The following CUBN variants were observed in gnomAD, a reference collection of about 807,000 sequenced individuals.
CUBN encodes 460 kDa receptor.
A neutral mutation model predicts 405.3 loss-of-function variants in CUBN; 282 were observed. The observed-to-expected ratio is 0.70, with a 90% confidence interval of 0.63 to 0.77. The LOEUF is 0.77. Among genes scored for constraint, CUBN ranks in the 30% least tolerant of loss-of-function variants. The pLI, the probability that CUBN is intolerant of heterozygous loss-of-function variation, is 0.00. For synonymous variants in CUBN, 1,684 were observed against 1,617.0 expected (o/e 1.04, Z -0.99); for missense variants, 4,514 against 4,475.2 (o/e 1.01, Z -0.25).
chr10:16,995,393 C>T (rs1045622287), intron 28 of CUBN, among the ~76,000 whole-genome samples: 19 of 152,206 alleles, frequency 1.2e-4, no homozygotes, highest in African/African-American at 4.1e-4. Context: ...ATACTTACTT[C>T]ATAGGGTTGT....
chr10:16,895,711 C>T (rs1445528468), intron 54 of CUBN, among the ~76,000 whole-genome samples: 2 of 152,152 alleles, frequency 1.3e-5, no homozygotes, highest in East Asian at 1.9e-4. Context: ...AATATATCCA[C>T]TCCTGCTTTT....
At chr10:17,037,388 TG>T (rs1564489758) in intron 27 of CUBN, among the ~76,000 whole-genome samples, 1 of 152,180 alleles carries the variant, frequency 6.6e-6, no homozygotes, top group Non-Finnish European at 1.5e-5. Context: ...AAAATATCTC[TG>T]TTTAGATTCT....
At chr10:17,026,358 T>G (rs1281444103) in intron 27 of CUBN, among the ~76,000 whole-genome samples, 1 of 152,134 alleles carries the variant, frequency 6.6e-6, no homozygotes, top group Non-Finnish European at 1.5e-5. Flanking sequence ...AGAGGCTGGT[T>G]GTGGTGGCTC....
intron 28 of CUBN, among the ~76,000 whole-genome samples, chr10:17,016,838 C>A (rs577191495): frequency 6.6e-6 from 1 of 152,140 alleles, no homozygotes; most frequent in African/African-American, 2.4e-5. Flanking sequence ...ATGTAAATTG[C>A]AAGCTTTGCA....
rs988977350 is a variant in CUBN, at chr10:17,120,425, T to C, written c.593+2370A>G. ...AAAGAACCCTGATTTAAATGCTCTG[T>C]TCTCTAATGTCCTCCAGCAAATCTA... On this transcript the variant is annotated intron_variant, in intron 6 of 66. Coordinates refer to ENST00000377833, the MANE Select transcript of CUBN (RefSeq NM_001081.4). Among the ~76,000 whole-genome samples, 4 of 152,230 alleles carry C rather than the reference T, an allele frequency of 2.6e-5. 1 individual carries two copies. The highest frequency in any genetic ancestry group is 2.4e-5 in the African/African-American group (1 of 41,460).
rs113344959 is a variant in CUBN, at chr10:17,068,642, G to A, written c.2754C>T (p.Asn918=). 1 of 1,613,158 alleles carries A rather than the reference G, an allele frequency of 6.2e-7. No individual in the cohort carries two copies. The highest frequency in any genetic ancestry group is 1.7e-4 in the Middle Eastern group (1 of 6,052). The change falls in exon 20 of 67, where the codon AAC becomes AAT. Residue 918 remains asparagine (N), a synonymous_variant. Transcript: ENST00000377833. ...VTFVKSSSTE[N]HGFMAKFSAE... is the part of the protein sequence containing the mutation. The stretch of plus-strand genomic sequence containing the variant: ...CACTGAACTTAGCCATGAAACCATG[G>A]TTTTCAGTAGAAGAACTTTTCACGA...
intron 48 of CUBN, among the ~76,000 whole-genome samples, chr10:16,913,006 G>A (rs889367853): frequency 4.6e-5 from 7 of 152,166 alleles, no homozygotes; most frequent in African/African-American, 1.7e-4. Context: ...GGTATTAGTA[G>A]CAGATATGAT....
At chr10:17,044,070 A>AAT in intron 25 of CUBN, 87 bp from the exon 26 acceptor site, 1 of 691,704 alleles carries the variant, frequency 1.4e-6, no homozygotes, top group East Asian at 3.8e-5. Context: ...AGGAAGAAAA[A>AAT]ATATATATAT....
At chr10:16,936,275 C>G (rs1343790679) in intron 39 of CUBN, among the ~76,000 whole-genome samples, 1 of 152,124 alleles carries the variant, frequency 6.6e-6, no homozygotes, top group Non-Finnish European at 1.5e-5. Context: ...AAGTTTATTT[C>G]TAAGAGCTCT....
intron 31 of CUBN, among the ~76,000 whole-genome samples, chr10:16,975,408 A>C (rs139686110): frequency 6.6e-6 from 1 of 152,328 alleles, no homozygotes; most frequent in Non-Finnish European, 1.5e-5. Context: ...CCTCATGACC[A>C]CAAGAGGGAA....
chr10:17,117,595 T>G (rs954492912), intron 6 of CUBN, among the ~76,000 whole-genome samples: 2 of 152,010 alleles, frequency 1.3e-5, no homozygotes, highest in Non-Finnish European at 2.9e-5. Context: ...GTGAAACCAA[T>G]TGATTAGTTA....
intron 29 of CUBN, among the ~76,000 whole-genome samples, chr10:16,984,810 A>C (rs1159094055): frequency 3.3e-5 from 5 of 152,226 alleles, no homozygotes; most frequent in African/African-American, 1.2e-4. Context: ...CCTACCCTGC[A>C]AACTGAATGT....
Position 17,124,529 on chromosome 10 carries a change from T to C in CUBN, c.388-840A>G, listed in dbSNP as rs951859165. On this transcript the variant is annotated intron_variant, in intron 4 of 66. Coordinates refer to ENST00000377833, the MANE Select transcript of CUBN (RefSeq NM_001081.4). ...CTGCAGGCGCTGCCTCCTGGGTCCATGCCATTCTCCTGCCTCAGCCTCCTA... is the reference window on the plus strand; with the variant it reads ...CTGCAGGCGCTGCCTCCTGGGTCCACGCCATTCTCCTGCCTCAGCCTCCTA... Among the ~76,000 whole-genome samples the C allele has an allele frequency of 8.6e-5, 13 of 151,238 alleles. No homozygotes were observed. In the East Asian group the frequency reaches 1.4e-3, roughly 16 times the overall value.
intron 38 of CUBN, among the ~76,000 whole-genome samples, chr10:16,938,030 G>A (rs1842564893): frequency 6.6e-6 from 1 of 152,086 alleles, no homozygotes; most frequent in South Asian, 2.1e-4. Context: ...CATGCACTGT[G>A]GGAATCACTC....
intron 31 of CUBN, among the ~76,000 whole-genome samples, chr10:16,980,948 A>C (rs1833252797): frequency 6.6e-6 from 1 of 152,120 alleles, no homozygotes; most frequent in African/African-American, 2.4e-5. Flanking sequence ...TGAAGCGCAA[A>C]GCATTAGTTT....
At chr10:16,941,035 G>A (rs1163909922) in intron 36 of CUBN, among the ~76,000 whole-genome samples, 1 of 152,188 alleles carries the variant, frequency 6.6e-6, no homozygotes, top group African/African-American at 2.4e-5. Context: ...CTCATATGAT[G>A]TTCATAGGTA....
chr10:17,011,566 C>T (rs1408025239), intron 28 of CUBN, among the ~76,000 whole-genome samples: 1 of 152,088 alleles, frequency 6.6e-6, no homozygotes, highest in African/African-American at 2.4e-5. Flanking sequence ...AGTGAGAGAA[C>T]AAAGCTTCCA....
At chr10:17,057,317 G>C (rs1467735072) in intron 22 of CUBN, among the ~76,000 whole-genome samples, 2 of 152,094 alleles carry the variant, frequency 1.3e-5, no homozygotes, top group Non-Finnish European at 2.9e-5. Context: ...GAGTTATTTG[G>C]AAATGTCTAG....
At chr10:17,089,318 A>G (rs1485396766) in intron 14 of CUBN, among the ~76,000 whole-genome samples, 1 of 152,242 alleles carries the variant, frequency 6.6e-6, no homozygotes, top group African/African-American at 2.4e-5. Flanking sequence ...TTTAAAAGTT[A>G]CCAGTTTTAA....
Sources: allele counts gnomAD v4.1 joint callset (sites outside exome capture counted in the v4.1 genomes callset), GRCh38; gene constraint gnomAD v4.1.1; transcripts MANE v1.5; gene names NCBI Gene and HGNC (gene_info 2026-07-23, HGNC 2026-07-21).